The following HOMER1 variants were observed in gnomAD, a reference collection of about 807,000 sequenced individuals.
HOMER1 encodes the protein homer protein homolog 1.
Under a neutral mutation model 48.9 loss-of-function variants are expected in HOMER1, and 3 were observed. The observed-to-expected ratio is 0.06, with a 90% CI of 0.03 to 0.16. The LOEUF (loss-of-function observed/expected upper bound fraction) is 0.16, where lower values mean the gene tolerates loss of function less well. HOMER1 is among the 10% of genes least tolerant of loss of function. The probability of loss-of-function intolerance (pLI) is 1.00; values close to 1 mark genes in which losing one functional copy is unlikely to be tolerated. For missense variants in HOMER1, 247 were observed against 411.4 expected, an observed-to-expected ratio of 0.60 and a Z score of 3.46; for synonymous variants, 134 against 146.4, an observed-to-expected ratio of 0.92 and a Z score of 0.61.
chr5:79,391,034 A>G (rs988079665), intron 8 of HOMER1, among the ~76,000 whole-genome samples: 3 of 152,182 alleles, frequency 2.0e-5, no homozygotes, highest in Admixed American at 6.5e-5. Context: ...CTAAAAAAAT[A>G]AAAAACAAAG....
At chr5:79,506,098 A>T (rs1045599959) in intron 1 of HOMER1, among the ~76,000 whole-genome samples, 7 of 148,712 alleles carry the variant, frequency 4.7e-5, no homozygotes, top group African/African-American at 7.6e-5. Context: ...ACAAATTTTT[A>T]AAAACTTTTA....
rs1395958608 is a variant in HOMER1, at chr5:79,374,701, C to T, written c.*1308G>A. ...TACTTTATAAGCAGACTAGACAGCA[C>T]TTGGCTTACTTTTAAAATAGCTTCG... is the stretch of plus-strand genomic sequence containing the variant. On this transcript the variant is annotated 3_prime_UTR_variant, in exon 9 of 9. Coordinates refer to ENST00000334082, the MANE Select transcript of HOMER1 (RefSeq NM_004272.5). 7 of 151,988 alleles carry T rather than the reference C, an allele frequency of 4.6e-5. No homozygotes were observed. Among genetic ancestry groups the T allele is most frequent in the Non-Finnish European group, 7.4e-5 (5 of 67,910 alleles). 9.4% of individuals were successfully genotyped at this position (151,988 alleles called of 1,614,324 possible).
At chr5:79,410,060 A>T (rs1286178335) in intron 5 of HOMER1, among the ~76,000 whole-genome samples, 1 of 152,188 alleles carries the variant, frequency 6.6e-6, no homozygotes, top group Non-Finnish European at 1.5e-5. Context: ...TCTTTTTACA[A>T]TTTTCTTTTT....
chr5:79,453,295 C>T lies in HOMER1; in HGVS notation c.163-2174G>A, dbSNP rs181394492. On this transcript the variant is annotated intron_variant, in intron 2 of 8. Coordinates refer to ENST00000334082, the MANE Select transcript of HOMER1 (RefSeq NM_004272.5). ...TGACAAGGGCATTTTATACGTGACC[C>T]TAATAACTCAAAAGTGAGTCAACAA... Among the ~76,000 whole-genome samples the T allele has an allele frequency of 2.4e-4, 37 of 152,212 alleles. No individual in the cohort carries two copies. The East Asian group carries it at 6.8e-3, about 28-fold the overall frequency.
intron 5 of HOMER1, among the ~76,000 whole-genome samples, chr5:79,410,148 CTA>C (rs1273895592): frequency 6.6e-6 from 1 of 152,088 alleles, no homozygotes; most frequent in Non-Finnish European, 1.5e-5. Context: ...CTTGCTTCTT[CTA>C]TTTTATGAGC....
rs185310958 is a variant in HOMER1 at position 79,466,131 on chromosome 5, G to T, written c.6-9113C>A. ...TATTAAATAACTGCCAAGTGACTTT[G>T]TCCTTACCACCCATTAAAAACCCCA... On this transcript the variant is annotated intron_variant, in intron 1 of 8. Transcript: ENST00000334082. Among the ~76,000 whole-genome samples the T allele has an allele frequency of 4.6e-4, 70 of 152,058 alleles. No homozygotes were observed. In the Middle Eastern group the frequency reaches 0.01, roughly 22 times the overall value.
intron 5 of HOMER1, among the ~76,000 whole-genome samples, chr5:79,408,924 A>G (rs575704039): frequency 6.6e-6 from 1 of 151,870 alleles, no homozygotes; most frequent in African/African-American, 2.4e-5. Context: ...TCTACTAAAA[A>G]TACAAAAATT....
chr5:79,489,340 G>T (rs765053351), intron 1 of HOMER1, among the ~76,000 whole-genome samples: 6 of 152,158 alleles, frequency 3.9e-5, no homozygotes, highest in Non-Finnish European at 8.8e-5. Context: ...ACACGGCCAA[G>T]CAACAGAAGG....
At chr5:79,497,059 C>CAAAAA (rs5868996) in intron 1 of HOMER1, among the ~76,000 whole-genome samples, 5 of 52,734 alleles carry the variant, frequency 9.5e-5, no homozygotes, top group Non-Finnish European at 1.4e-4. Flanking sequence ...GACTTTGTCT[C>CAAAAA]AAAAAAAAAA....
intron 5 of HOMER1, among the ~76,000 whole-genome samples, chr5:79,429,566 T>C (rs1473074981): frequency 6.6e-6 from 1 of 152,168 alleles, no homozygotes; most frequent in Admixed American, 6.5e-5. Flanking sequence ...TCTCACATCA[T>C]ATATAAAAAT....
At chr5:79,408,426 C>A (rs1749724911) in intron 5 of HOMER1, among the ~76,000 whole-genome samples, 1 of 90,604 alleles carries the variant, frequency 1.1e-5, no homozygotes, top group Non-Finnish European at 2.4e-5. Context: ...GAGAGTATGA[C>A]CCCAGAGAGA....
chr5:79,379,695 G>A (rs796665359), intron 8 of HOMER1, among the ~76,000 whole-genome samples: 16 of 151,054 alleles, frequency 1.1e-4, no homozygotes, highest in Admixed American at 3.3e-4. Context: ...TCGTCCTGCC[G>A]CGGCCTCCCA....
chr5:79,475,596 A>G (rs1751747518), intron 1 of HOMER1, among the ~76,000 whole-genome samples: 1 of 152,178 alleles, frequency 6.6e-6, no homozygotes, highest in African/African-American at 2.4e-5. Flanking sequence ...TCTAAAGCAA[A>G]TATGAGATGC....
intron 8 of HOMER1, among the ~76,000 whole-genome samples, chr5:79,386,114 A>G (rs924583948): frequency 6.6e-6 from 1 of 152,188 alleles, no homozygotes; most frequent in African/African-American, 2.4e-5. Flanking sequence ...CCAATACTGG[A>G]TATATGTCCA....
chr5:79,472,502 C>T lies in HOMER1; in HGVS notation c.6-15484G>A, dbSNP rs188037420. ...AAATACTACAGAGCCCTAGGCCAGG[C>T]GTGGTGGCTCATGCTTGTATTCCCA... On this transcript the variant is annotated intron_variant, in intron 1 of 8. Transcript: ENST00000334082. 3.1e-4 allele frequency among the ~76,000 whole-genome samples: 47 copies of T among 152,126 alleles called. 1 individual carries two copies. In the East Asian group the frequency reaches 8.7e-3, roughly 28 times the overall value.
intron 8 of HOMER1, among the ~76,000 whole-genome samples, chr5:79,388,830 A>G (rs1163136882): frequency 6.6e-6 from 1 of 152,082 alleles, no homozygotes; most frequent in Non-Finnish European, 1.5e-5. Flanking sequence ...AAACAGAAAG[A>G]GGTTGCAAAA....
intron 6 of HOMER1, among the ~76,000 whole-genome samples, chr5:79,398,294 G>C (rs567836210): frequency 3.3e-4 from 47 of 141,192 alleles, no homozygotes; most frequent in Non-Finnish European, 5.6e-4. Context: ...GCAATAGACA[G>C]AAGTCAATAT....
At chr5:79,413,859 A>G (rs1749872331) in intron 5 of HOMER1, among the ~76,000 whole-genome samples, 1 of 152,162 alleles carries the variant, frequency 6.6e-6, no homozygotes, top group African/African-American at 2.4e-5. Context: ...AAAGGAAAGA[A>G]ATGAAAACAG....
chr5:79,383,431 A>G (rs1416982661), intron 8 of HOMER1, among the ~76,000 whole-genome samples: 1 of 150,660 alleles, frequency 6.6e-6, no homozygotes, highest in Non-Finnish European at 1.5e-5. Flanking sequence ...TGTCACCTAG[A>G]CTAGAGTGCA....
Sources: gnomAD v4.1 joint callset for allele counts (sites outside exome capture counted in the v4.1 genomes callset) on GRCh38, gnomAD v4.1.1 for gene constraint, MANE v1.5 for transcripts, NCBI Gene and HGNC (gene_info 2026-07-23, HGNC 2026-07-21) for gene names.